Variants in NALF1 observed in about 807,000 individuals in gnomAD.
NALF1 encodes the protein family with sequence similarity 155 member A.
In NALF1, 3 loss-of-function variants were observed where a neutral mutation model predicts 48.4. The observed-to-expected ratio is 0.06, with a 90% CI of 0.03 to 0.16. The LOEUF (loss-of-function observed/expected upper bound fraction) is 0.16, where lower values mean the gene tolerates loss of function less well. NALF1 is among the 10% of genes least tolerant of loss of function. The pLI is 1.00. For missense variants in NALF1, 526 were observed against 571.5 expected (o/e 0.92, Z 0.81); for synonymous variants, 262 against 245.7 (o/e 1.07, Z -0.62).
chr13:107,225,477 G>C (rs2138819452), intron 1 of NALF1, among the ~76,000 whole-genome samples: 1 of 152,216 alleles, frequency 6.6e-6, no homozygotes, highest in South Asian at 2.1e-4. Flanking sequence ...GGATCTCACT[G>C]TGTTGCCCAG....
chr13:107,844,404 T>C (rs759643962), intron 1 of NALF1, among the ~76,000 whole-genome samples: 16 of 152,304 alleles, frequency 1.1e-4, no homozygotes, highest in Non-Finnish European at 2.2e-4. Context: ...TTCATTATTA[T>C]GTAGGTCATT....
intron 1 of NALF1, among the ~76,000 whole-genome samples, chr13:107,818,640 A>G (rs1033141480): frequency 3.6e-5 from 4 of 112,442 alleles, no homozygotes; most frequent in African/African-American, 1.3e-4. Flanking sequence ...TGGGAGGCCG[A>G]GGCGGGCGGA....
At chr13:107,235,329 G>A (rs1880319183) in intron 1 of NALF1, among the ~76,000 whole-genome samples, 1 of 151,878 alleles carries the variant, frequency 6.6e-6, no homozygotes, top group East Asian at 1.9e-4. Flanking sequence ...AAATAATCCA[G>A]GTTTGTCAAC....
chr13:107,772,385 C>T (rs1255560525), intron 1 of NALF1, among the ~76,000 whole-genome samples: 2 of 151,884 alleles, frequency 1.3e-5, no homozygotes, highest in Admixed American at 6.6e-5. Context: ...GTAAGTGGAC[C>T]ATTTGTCTGA....
At chr13:107,840,403 A>G (rs1440619615) in intron 1 of NALF1, among the ~76,000 whole-genome samples, 2 of 152,252 alleles carry the variant, frequency 1.3e-5, no homozygotes, top group African/African-American at 4.8e-5. Flanking sequence ...CCAGATATTC[A>G]TCAGGTCCCC....
At chr13:107,267,576 G>A (rs9558987) in intron 1 of NALF1, among the ~76,000 whole-genome samples, 41,092 of 152,162 alleles carry the variant, frequency 0.27, 6,295 homozygotes, top group East Asian at 0.52. Flanking sequence ...GGAGAAGGAT[G>A]CATTCCAGGA....
chr13:107,397,737 C>A (rs1014233153), intron 1 of NALF1, among the ~76,000 whole-genome samples: 1 of 151,930 alleles, frequency 6.6e-6, no homozygotes, highest in Non-Finnish European at 1.5e-5. Flanking sequence ...CAACGTTATG[C>A]CCTAGGTACC....
At chr13:107,364,382 T>C (rs922455157) in intron 1 of NALF1, among the ~76,000 whole-genome samples, 2 of 152,194 alleles carry the variant, frequency 1.3e-5, no homozygotes, top group East Asian at 3.9e-4. Context: ...GCACAGAGTA[T>C]ACATCCAGGC....
chr13:107,817,532 C>T (rs1879203794), intron 1 of NALF1, among the ~76,000 whole-genome samples: 1 of 152,182 alleles, frequency 6.6e-6, no homozygotes, highest in African/African-American at 2.4e-5. Context: ...TAAATATCTT[C>T]TGTTTTCTCT....
At chr13:107,752,228 GTCTT>G (rs1282679042) in intron 1 of NALF1, among the ~76,000 whole-genome samples, 2 of 151,946 alleles carry the variant, frequency 1.3e-5, no homozygotes, top group African/African-American at 4.8e-5. Context: ...TGAATTTTCT[GTCTT>G]TCACCATTGT....
chr13:107,186,694 C>A (rs1215927965), intron 2 of NALF1, among the ~76,000 whole-genome samples: 2 of 152,172 alleles, frequency 1.3e-5, no homozygotes, highest in South Asian at 4.1e-4. Context: ...GCAATTTTTA[C>A]AACAGCACTC....
rs146633905 is a variant in NALF1, at chr13:107,596,446, A to G, written c.915+269236T>C. 6.6e-5 allele frequency among the ~76,000 whole-genome samples: 10 copies of G among 152,342 alleles called. No homozygotes were observed. The East Asian group carries it at 1.7e-3, about 26-fold the overall frequency. ...CAAATGCTCATCAATGATAGATTGG[A>G]TAAAGAAAATGTGGCATATATACAC... On this transcript the variant is annotated intron_variant, in intron 1 of 2. Transcript: ENST00000375915.
intron 1 of NALF1, among the ~76,000 whole-genome samples, chr13:107,615,074 G>T (rs1050198943): frequency 6.6e-6 from 1 of 151,956 alleles, no homozygotes. Context: ...ACTGTGCCTC[G>T]CACATCCTGC....
At chr13:107,295,338 G>C (rs1172479892) in intron 1 of NALF1, among the ~76,000 whole-genome samples, 2 of 152,224 alleles carry the variant, frequency 1.3e-5, no homozygotes, top group African/African-American at 2.4e-5. Context: ...TTTTATGGCT[G>C]TGTAGTATTC....
At chr13:107,533,188 T>A (rs751522710) in intron 1 of NALF1, among the ~76,000 whole-genome samples, 29 of 152,148 alleles carry the variant, frequency 1.9e-4, no homozygotes, top group Admixed American at 1.8e-3. Flanking sequence ...TTTTACATAT[T>A]TTGTTTGTAA....
intron 1 of NALF1, among the ~76,000 whole-genome samples, chr13:107,434,728 A>G (rs574290066): frequency 1.3e-5 from 2 of 152,318 alleles, no homozygotes; most frequent in East Asian, 3.9e-4. Flanking sequence ...AAAAGACTGT[A>G]ATATCCTCTC....
intron 1 of NALF1, among the ~76,000 whole-genome samples, chr13:107,445,584 T>G (rs1384221044): frequency 6.6e-6 from 1 of 152,214 alleles, no homozygotes; most frequent in Non-Finnish European, 1.5e-5. Flanking sequence ...TGCCCAAGAT[T>G]GCAATTACTG....
chr13:107,425,588 T>C (rs780971909), intron 1 of NALF1, among the ~76,000 whole-genome samples: 1 of 152,158 alleles, frequency 6.6e-6, no homozygotes, highest in Non-Finnish European at 1.5e-5. Flanking sequence ...ATATCAGATA[T>C]CTCTGTACAA....
intron 1 of NALF1, among the ~76,000 whole-genome samples, chr13:107,750,220 T>A (rs933079787): frequency 1.3e-5 from 2 of 152,164 alleles, no homozygotes; most frequent in African/African-American, 4.8e-5. Context: ...AGAGACTCAG[T>A]GTGTCCCCTG....
Sources: allele counts gnomAD v4.1 joint callset (sites outside exome capture counted in the v4.1 genomes callset), GRCh38; gene constraint gnomAD v4.1.1; transcripts MANE v1.5; gene names NCBI Gene and HGNC (gene_info 2026-07-23, HGNC 2026-07-21).